The following LSAMP variants were observed in gnomAD, a reference collection of about 807,000 sequenced individuals.
The protein encoded by LSAMP is limbic system associated membrane protein.
A neutral mutation model predicts 38.6 loss-of-function variants in LSAMP; 7 were observed. The observed-to-expected ratio is 0.18, with a 90% CI of 0.10 to 0.34. The LOEUF is 0.34. Among genes scored for constraint, LSAMP ranks in the 10% least tolerant of loss-of-function variants. The pLI is 1.00. For missense variants in LSAMP, 313 were observed against 420.0 expected (o/e 0.75, Z 2.23); for synonymous variants, 154 against 166.8 (o/e 0.92, Z 0.59).
intron 1 of LSAMP, among the ~76,000 whole-genome samples, chr3:116,383,718 G>A (rs2048591317): frequency 6.6e-6 from 1 of 151,612 alleles, no homozygotes; most frequent in Non-Finnish European, 1.5e-5. Context: ...ATCTCCATGT[G>A]AGGAGAAATA....
rs933349415 is a variant in LSAMP, at chr3:116,445,435, C to T, written c.-404G>A. The T allele has an allele frequency of 9.9e-5, 36 of 362,308 alleles. No homozygotes were observed. The highest frequency in any genetic ancestry group is 2.1e-5 in the African/African-American group (1 of 46,928). 22.4% of individuals were successfully genotyped at this position (362,308 alleles called of 1,614,324 possible). A position where few individuals can be genotyped will look rare whatever the true frequency, so the allele number is the denominator to read the frequency against. On this transcript the variant is annotated 5_prime_UTR_variant, in exon 1 of 7. Coordinates refer to ENST00000490035, the MANE Select transcript of LSAMP (RefSeq NM_002338.5). ...TTTCCCAGGCTGGCGGGCGGGCGGGCGAGGGAGCCGGCACCAAGCCTGCCA... is the reference window on the plus strand; with the variant it reads ...TTTCCCAGGCTGGCGGGCGGGCGGGTGAGGGAGCCGGCACCAAGCCTGCCA...
chr3:116,359,823 T>G (rs1478045903), intron 1 of LSAMP, among the ~76,000 whole-genome samples: 1 of 152,056 alleles, frequency 6.6e-6, no homozygotes, highest in Non-Finnish European at 1.5e-5. Context: ...TATTCAAAAA[T>G]AACTCAAGAT....
intron 1 of LSAMP, among the ~76,000 whole-genome samples, chr3:116,419,550 A>G (rs1248327513): frequency 6.6e-6 from 1 of 152,222 alleles, no homozygotes; most frequent in East Asian, 1.9e-4. Context: ...AGTAGGGCAG[A>G]GTGGGTCAAG....
intron 1 of LSAMP, among the ~76,000 whole-genome samples, chr3:116,299,069 CAG>C (rs2047372479): frequency 6.6e-6 from 1 of 152,172 alleles, no homozygotes; most frequent in Non-Finnish European, 1.5e-5. Flanking sequence ...TCTCAGAGCA[CAG>C]AGTCTTTTTA....
At chr3:116,328,885 T>C (rs1213084892) in intron 1 of LSAMP, among the ~76,000 whole-genome samples, 1 of 152,192 alleles carries the variant, frequency 6.6e-6, no homozygotes, top group East Asian at 1.9e-4. Flanking sequence ...AAATTAAATC[T>C]TTATGACAAC....
chr3:116,190,750 A>G (rs1311395117), intron 1 of LSAMP, among the ~76,000 whole-genome samples: 1 of 152,188 alleles, frequency 6.6e-6, no homozygotes, highest in East Asian at 1.9e-4. Context: ...AGTTGGTGCT[A>G]GACAATGGAG....
chr3:116,076,714 A>T (rs78465883), intron 2 of LSAMP, among the ~76,000 whole-genome samples: 2,325 of 152,282 alleles, frequency 0.015, 54 homozygotes, highest in African/African-American at 0.052. Flanking sequence ...CATTTTAAAC[A>T]TCTTTACATC....
At chr3:116,182,990 C>A (rs543379760) in intron 1 of LSAMP, among the ~76,000 whole-genome samples, 53 of 151,888 alleles carry the variant, frequency 3.5e-4, no homozygotes, top group African/African-American at 8.9e-4. Flanking sequence ...CTGTTTACAC[C>A]TGCATAACAT....
intron 1 of LSAMP, among the ~76,000 whole-genome samples, chr3:116,207,310 G>A (rs2046083614): frequency 6.6e-6 from 1 of 152,174 alleles, no homozygotes; most frequent in Non-Finnish European, 1.5e-5. Flanking sequence ...CTGCACATGA[G>A]TTGGGTTTCC....
At chr3:116,435,700 T>A (rs938581420) in intron 1 of LSAMP, among the ~76,000 whole-genome samples, 1 of 152,140 alleles carries the variant, frequency 6.6e-6, no homozygotes, top group African/African-American at 2.4e-5. Context: ...AAATTTTGTA[T>A]CTATTGGGGG....
chr3:115,873,389 AAAAAAG>A (rs1006863397), intron 3 of LSAMP, among the ~76,000 whole-genome samples: 4 of 152,020 alleles, frequency 2.6e-5, no homozygotes, highest in African/African-American at 9.7e-5. Context: ...AAAAAAAAAA[AAAAAAG>A]TCTATGCTTT....
intron 1 of LSAMP, among the ~76,000 whole-genome samples, chr3:116,211,521 A>G (rs1429367525): frequency 6.6e-6 from 1 of 152,226 alleles, no homozygotes; most frequent in African/African-American, 2.4e-5. Context: ...AGACTCTATT[A>G]AGCTAATTGG....
At chr3:116,315,642 A>G (rs890836486) in intron 1 of LSAMP, among the ~76,000 whole-genome samples, 1 of 152,144 alleles carries the variant, frequency 6.6e-6, no homozygotes, top group Non-Finnish European at 1.5e-5. Context: ...AGCATCTACT[A>G]TTTTTCTAAG....
At chr3:115,922,541 C>T (rs1937406646) in intron 3 of LSAMP, among the ~76,000 whole-genome samples, 1 of 152,056 alleles carries the variant, frequency 6.6e-6, no homozygotes, top group Non-Finnish European at 1.5e-5. Flanking sequence ...GATTCATATA[C>T]TTCCATTTTT....
intron 1 of LSAMP, among the ~76,000 whole-genome samples, chr3:116,373,671 A>G (rs2048460814): frequency 6.6e-6 from 1 of 151,898 alleles, no homozygotes. Flanking sequence ...ACCTACCAAA[A>G]TGATGCCCTT....
chr3:115,968,575 A>G (rs1287378386), intron 3 of LSAMP, among the ~76,000 whole-genome samples: 2 of 152,152 alleles, frequency 1.3e-5, no homozygotes, highest in Non-Finnish European at 2.9e-5. Context: ...AAGTTGCAAG[A>G]CAAAGTTCTC....
intron 1 of LSAMP, among the ~76,000 whole-genome samples, chr3:116,315,876 T>C (rs1331455143): frequency 1.3e-5 from 2 of 152,182 alleles, no homozygotes; most frequent in Non-Finnish European, 2.9e-5. Context: ...GTACTGTCTT[T>C]GGTATATGAT....
At chr3:116,058,099 A>G (rs1941525215) in intron 2 of LSAMP, among the ~76,000 whole-genome samples, 1 of 152,194 alleles carries the variant, frequency 6.6e-6, no homozygotes, top group Non-Finnish European at 1.5e-5. Context: ...CAATGAATAT[A>G]TTTTACTTTT....
At chr3:116,440,855 T>C (rs748694911) in intron 1 of LSAMP, among the ~76,000 whole-genome samples, 1 of 152,318 alleles carries the variant, frequency 6.6e-6, no homozygotes, top group East Asian at 1.9e-4. Flanking sequence ...AGTAGGCCCA[T>C]GCCCACAGTT....
Sources: allele counts gnomAD v4.1 joint callset (sites outside exome capture counted in the v4.1 genomes callset), GRCh38; gene constraint gnomAD v4.1.1; transcripts MANE v1.5; gene names NCBI Gene and HGNC (gene_info 2026-07-23, HGNC 2026-07-21).